Variants in DST observed in about 807,000 individuals in gnomAD.
DST encodes bullous pemphigoid antigen.
DST carries 253 observed loss-of-function variants against 875.2 expected under a neutral mutation model. The ratio of observed to expected loss-of-function variants is 0.29; its 90% CI spans 0.26 to 0.32. DST has a LOEUF of 0.32. Ranked by LOEUF, DST falls within the 10% of genes least tolerant of loss-of-function variation. The pLI, the probability that DST is intolerant of heterozygous loss-of-function variation, is 1.00. For synonymous variants in DST, 3,124 were observed against 3,197.1 expected (o/e 0.98, Z 0.77); for missense variants, 8,287 against 9,111.6 (o/e 0.91, Z 3.68).
intron 49 of DST, among the ~76,000 whole-genome samples, chr6:56,582,592 ATTTCT>A (rs1246467863): frequency 2.0e-5 from 3 of 150,134 alleles, no homozygotes; most frequent in South Asian, 2.1e-4. Flanking sequence ...AGTCTCAAGT[ATTTCT>A]TTTCTTTTTT....
intron 5 of DST, among the ~76,000 whole-genome samples, chr6:56,705,463 T>C (rs2152884511): frequency 6.6e-6 from 1 of 152,360 alleles, no homozygotes; most frequent in Middle Eastern, 3.4e-3. Context: ...AGAGGCCTAA[T>C]GTAAACTGGA....
rs754316339 is a variant in DST at position 56,492,279 on chromosome 6, C to A, written c.20705G>T (p.Arg6902Leu). Residue 6902 changes from arginine to leucine, a missense_variant, in exon 85 of 104, where the codon CGG (arginine) becomes CTG (leucine). Coordinates refer to ENST00000680361, the MANE Select transcript of DST (RefSeq NM_001374736.1). ...VQSRWEKVVQ[R>L]LVERGRSLDD... is the part of the protein sequence containing the mutation. ...CAAAGATCTTCCTCTCTCTACCAAC[C>A]GTTGAACCACTTTTTCCCATCGACT... The A allele has an allele frequency of 6.2e-7, 1 of 1,613,740 alleles. No individual in the cohort carries two copies.
rs777804640 is a variant in DST at position 56,620,255 on chromosome 6, T to C, written c.4929+4275A>G. Reference sequence around the variant, plus strand: ...TTGCTCCAAATCATTGAGACTTAAATCTTTTCTTTTAAGATGATCTTCCAG... The same window carrying C: ...TTGCTCCAAATCATTGAGACTTAAACCTTTTCTTTTAAGATGATCTTCCAG... On this transcript the variant is annotated intron_variant, in intron 36 of 103. Transcript: ENST00000680361. The C allele has an allele frequency of 2.5e-6, 4 of 1,614,144 alleles. No individual in the cohort carries two copies. The South Asian group carries it at 4.4e-5, about 18-fold the overall frequency.
chr6:56,889,862 G>A (rs1786499207), intron 3 of DST, among the ~76,000 whole-genome samples: 1 of 152,052 alleles, frequency 6.6e-6, no homozygotes, highest in South Asian at 2.1e-4. Context: ...CAGAAAGAGG[G>A]GGCCAATTTT....
At chr6:56,753,333 G>A (rs1224520153) in intron 4 of DST, among the ~76,000 whole-genome samples, 1 of 152,158 alleles carries the variant, frequency 6.6e-6, no homozygotes. Context: ...TCAAATGGCT[G>A]CATATAAGCA....
At chr6:56,798,844 A>T (rs944122442) in intron 4 of DST, among the ~76,000 whole-genome samples, 3 of 152,194 alleles carry the variant, frequency 2.0e-5, no homozygotes, top group Admixed American at 6.5e-5. Flanking sequence ...GGAGTTTGGA[A>T]GAAGGTGATT....
At chr6:56,813,689 A>G (rs1329028463) in intron 4 of DST, among the ~76,000 whole-genome samples, 1 of 152,198 alleles carries the variant, frequency 6.6e-6, no homozygotes, top group Admixed American at 6.5e-5. Context: ...TTTCAGAAAA[A>G]CAGTTCTTAA....
At chr6:56,802,406 T>G (rs1225074423) in intron 4 of DST, among the ~76,000 whole-genome samples, 1 of 152,062 alleles carries the variant, frequency 6.6e-6, no homozygotes, top group African/African-American at 2.4e-5. Flanking sequence ...TTTAACAAAG[T>G]GTAGCATGTA....
In DST at chr6:56,477,097, G is replaced by A. The variant is rs570541435; in HGVS notation, c.21675+248C>T. On this transcript the variant is annotated intron_variant, in intron 91 of 103. Coordinates refer to ENST00000680361, the MANE Select transcript of DST (RefSeq NM_001374736.1). ...AAACAATGTGGAAGGAGGCCAAAAT[G>A]TTATACAGTGTACTAAATATTTGCC... 6.6e-5 allele frequency among the ~76,000 whole-genome samples: 10 copies of A among 152,314 alleles called. No homozygotes were observed. In the South Asian group the frequency reaches 1.2e-3, roughly 19 times the overall value.
intron 4 of DST, among the ~76,000 whole-genome samples, chr6:56,743,382 A>G (rs1589498665): frequency 6.6e-6 from 1 of 152,222 alleles, no homozygotes. Context: ...AAACATCTTT[A>G]TATGATTTTC....
chr6:56,620,847 A>G (rs2098684879), intron 36 of DST: 1 of 800,742 alleles, frequency 1.2e-6, no homozygotes. Flanking sequence ...CACCACCACC[A>G]GCAGCATCAC....
At chr6:56,870,978 C>T (rs1314312460) in intron 3 of DST, among the ~76,000 whole-genome samples, 2 of 151,746 alleles carry the variant, frequency 1.3e-5, no homozygotes, top group Non-Finnish European at 2.9e-5. Context: ...AATTAAAATT[C>T]AGTGAACAAA....
chr6:56,869,739 G>A (rs935044893), intron 3 of DST, among the ~76,000 whole-genome samples: 5 of 152,054 alleles, frequency 3.3e-5, no homozygotes, highest in Non-Finnish European at 5.9e-5. Flanking sequence ...CTGTCACCAA[G>A]GCTGAAGTGC....
chr6:56,860,626 C>T (rs894937116), intron 3 of DST, among the ~76,000 whole-genome samples: 3 of 152,150 alleles, frequency 2.0e-5, no homozygotes, highest in Non-Finnish European at 2.9e-5. Flanking sequence ...TTTTTGCTCC[C>T]GTACCTACCC....
intron 4 of DST, among the ~76,000 whole-genome samples, chr6:56,808,263 A>G (rs113593814): frequency 0.019 from 2,846 of 152,254 alleles, 79 homozygotes; most frequent in African/African-American, 0.064. Context: ...TAAAAAAAAA[A>G]AACCAACTGA....
At position 56,552,283 on chromosome 6, in the gene DST, T is replaced by C; in HGVS notation, c.16509A>G (p.Glu5503=). 1 of 1,613,964 alleles carries C rather than the reference T, an allele frequency of 6.2e-7. No individual in the cohort carries two copies. ...CGGCTTTCTGGAGCAGAATAGAAAA[T>C]TCTTTCAATTTGCTGTAAAATTCTT... The part of the protein sequence containing the change: ...RLEEFYSKLK[E]FSILLQKAEE... Residue 5503 remains glutamate (E), a synonymous_variant, in exon 61 of 104, where the codon GAA becomes GAG. Transcript: ENST00000680361.
intron 2 of DST, among the ~76,000 whole-genome samples, chr6:56,929,460 A>G (rs927715170): frequency 1.3e-5 from 2 of 152,174 alleles, no homozygotes; most frequent in Non-Finnish European, 2.9e-5. Context: ...TGTATACAAT[A>G]TACTACTATC....
intron 88 of DST, among the ~76,000 whole-genome samples, chr6:56,483,202 C>A (rs1162867286): frequency 1.3e-5 from 2 of 152,116 alleles, no homozygotes; most frequent in Non-Finnish European, 2.9e-5. Context: ...TAAAACAATG[C>A]AACAAATTCC....
chr6:56,607,436 T>A lies in DST; in HGVS notation c.7192A>T (p.Ile2398Leu). ...TTTGATTTCATAATAGGATTTTCTA[T>A]TAAATCACTTGGAAAGTTTTGAATG... ...KNIQNFPSDL[I>L]ENPIMKSKMS... Residue 2398 changes from isoleucine (I) to leucine (L), a missense_variant, in exon 40 of 104, where the codon ATA becomes TTA. Coordinates refer to ENST00000680361, the MANE Select transcript of DST (RefSeq NM_001374736.1). 6.2e-7 allele frequency: 1 copy of A among 1,608,424 alleles called. No individual in the cohort carries two copies. The highest frequency in any genetic ancestry group is 8.5e-7 in the Non-Finnish European group (1 of 1,176,988).
Sources: allele counts gnomAD v4.1 joint callset (sites outside exome capture counted in the v4.1 genomes callset), GRCh38; gene constraint gnomAD v4.1.1; transcripts MANE v1.5; gene names NCBI Gene and HGNC (gene_info 2026-07-23, HGNC 2026-07-21).